Variants in C2orf49 observed in about 807,000 individuals in gnomAD.
C2orf49 encodes the protein tRNA splicing ligase complex subunit 2.
A neutral mutation model predicts 20.6 loss-of-function variants in C2orf49; 11 were observed. That is an observed-to-expected ratio of 0.53 (90% confidence interval 0.34 to 0.88). The LOEUF (loss-of-function observed/expected upper bound fraction) is 0.88, where lower values mean the gene tolerates loss of function less well. Ranked by LOEUF, C2orf49 falls within the 40% of genes least tolerant of loss-of-function variation. The pLI is 0.02. For synonymous variants in C2orf49, 134 were observed against 108.5 expected, an observed-to-expected ratio of 1.24 and a Z score of -1.46; for missense variants, 289 against 274.2, an observed-to-expected ratio of 1.05 and a Z score of -0.38.
At chr2:105,380,530 A>C in the C2orf49 span, among the ~76,000 whole-genome samples, 1 of 152,200 alleles carries the variant, frequency 6.6e-6, no homozygotes, top group Non-Finnish European at 1.5e-5. Context: ...CGCCCGGCTC[A>C]AGTGACTCTT....
chr2:105,372,350 C>T, the C2orf49 span, among the ~76,000 whole-genome samples: 6 of 151,908 alleles, frequency 3.9e-5, no homozygotes, highest in Admixed American at 6.6e-5. Context: ...CTCAGCCTCC[C>T]GAGTAGCTGG....
the C2orf49 span, chr2:105,375,865 T>TAGCTTAAAGTATTTTC: frequency 1.3e-5 from 2 of 152,204 alleles, no homozygotes; most frequent in East Asian, 3.9e-4. Context: ...TTTGTATTTT[T>TAGCTTAAAGTATTTTC]AGCTTAAAGT....
At chr2:105,355,751 T>C in the C2orf49 span, among the ~76,000 whole-genome samples, 2 of 150,710 alleles carry the variant, frequency 1.3e-5, no homozygotes, top group East Asian at 3.9e-4. Flanking sequence ...CTAAGTTATA[T>C]AGCTCAGGAG....
At chr2:105,361,149 G>A in the C2orf49 span, 1 of 879,910 alleles carries the variant, frequency 1.1e-6, no homozygotes, top group East Asian at 2.5e-5. Context: ...AAGCAAACGT[G>A]AGTATCACTG....
chr2:105,378,495 T>C, the C2orf49 span: 1 of 218,528 alleles, frequency 4.6e-6, no homozygotes, highest in East Asian at 1.3e-4. Flanking sequence ...TGGTGTAGAG[T>C]GGACACCTGA....
At chr2:105,383,627 G>A in the C2orf49 span, among the ~76,000 whole-genome samples, 1 of 152,156 alleles carries the variant, frequency 6.6e-6, no homozygotes, top group Non-Finnish European at 1.5e-5. Flanking sequence ...GGCCTGTGGT[G>A]GCTGTGCTAT....
rs1416349452 is a variant in C2orf49 at position 105,349,007 on chromosome 2, A to T, written c.*3636A>T. Reference sequence around the variant, plus strand: ...CGGTGCTACAGAGCCTGACATGTTGACTGTCACTACATGTTGAGGGATGGA... The same window carrying T: ...CGGTGCTACAGAGCCTGACATGTTGTCTGTCACTACATGTTGAGGGATGGA... On this transcript the variant is annotated 3_prime_UTR_variant, in exon 4 of 4. Transcript: ENST00000258457. 6.6e-6 allele frequency: 1 copy of T among 152,022 alleles called. No individual in the cohort carries two copies. Among genetic ancestry groups the T allele is most frequent in the African/African-American group, 2.4e-5 (1 of 41,356 alleles). The allele number at this position is 152,022 out of a possible 1,614,324, so 9.4% of individuals were successfully genotyped here. A position where few individuals can be genotyped will look rare whatever the true frequency, so the allele number is the denominator to read the frequency against.
At chr2:105,374,076 C>T in the C2orf49 span, 3 of 325,494 alleles carry the variant, frequency 9.2e-6, no homozygotes, top group African/African-American at 6.4e-5. Flanking sequence ...TCGTCTCACA[C>T]CACATCCGGT....
rs1004064514 is a variant in C2orf49 at position 105,347,190 on chromosome 2, A to G, written c.*1819A>G. ...ATAAAACATACTAAGTATTGCATAA[A>G]TTGTTAACGTTACAGTAAATTGTTA... On this transcript the variant is annotated 3_prime_UTR_variant, in exon 4 of 4. Transcript: ENST00000258457. 1 of 152,166 alleles carries G rather than the reference A, an allele frequency of 6.6e-6. No homozygotes were observed. Among genetic ancestry groups the G allele is most frequent in the African/African-American group, 2.4e-5 (1 of 41,472 alleles). 9.4% of individuals were successfully genotyped at this position (152,166 alleles called of 1,614,324 possible).
In C2orf49 at chr2:105,337,836, C is replaced by T. The variant is rs2104441835; in HGVS notation, c.99+150C>T. On this transcript the variant is annotated intron_variant, in intron 1 of 3. Transcript: ENST00000258457. Reference sequence around the variant, plus strand: ...CCCACACAGACCAGGCAGCTGTCTCCTCGCTCCTGCTCCTCGCCCCCTCTC... The same window carrying T: ...CCCACACAGACCAGGCAGCTGTCTCTTCGCTCCTGCTCCTCGCCCCCTCTC... 4.6e-6 allele frequency: 3 copies of T among 656,022 alleles called. No individual in the cohort carries two copies. In the East Asian group the frequency reaches 8.2e-5, roughly 18 times the overall value. The allele number at this position is 656,022 out of a possible 1,614,324, so 40.6% of individuals were successfully genotyped here.
the C2orf49 span, chr2:105,361,398 C>G: frequency 5.6e-6 from 9 of 1,614,056 alleles, no homozygotes; most frequent in Non-Finnish European, 7.6e-6. Flanking sequence ...ATGCCACTGC[C>G]GTTCCTCAAA....
At chr2:105,350,802 C>T (rs769819146), downstream of C2orf49, among the ~76,000 whole-genome samples, 1 of 152,156 alleles carries the variant, frequency 6.6e-6, no homozygotes, top group African/African-American at 2.4e-5. Flanking sequence ...CACAGTAGTA[C>T]AGATTTTTAA....
At chr2:105,355,809 T>TGTGC in the C2orf49 span, among the ~76,000 whole-genome samples, 1 of 145,196 alleles carries the variant, frequency 6.9e-6, no homozygotes, top group Non-Finnish European at 1.5e-5. Context: ...TGTGTGTGTG[T>TGTGC]GTGTGTGTAT....
In C2orf49 at chr2:105,347,835, T is replaced by C. The variant is rs1463347300; in HGVS notation, c.*2464T>C. On this transcript the variant is annotated 3_prime_UTR_variant, in exon 4 of 4. Transcript: ENST00000258457. ...TGGCAAACAACTTTAGAATACTAGT[T>C]ACTCACTAACATGAGGCGGGTAATG... 2 of 152,230 alleles carry C rather than the reference T, an allele frequency of 1.3e-5. No individual in the cohort carries two copies. The highest frequency in any genetic ancestry group is 2.9e-5 in the Non-Finnish European group (2 of 68,036). 9.4% of individuals were successfully genotyped at this position (152,230 alleles called of 1,614,324 possible).
At chr2:105,354,645 G>A in the C2orf49 span, among the ~76,000 whole-genome samples, 141 of 148,292 alleles carry the variant, frequency 9.5e-4, no homozygotes, top group African/African-American at 3.4e-3. Context: ...CAGCCTGGGC[G>A]ACAACAGCAA....
the C2orf49 span, among the ~76,000 whole-genome samples, chr2:105,379,217 C>T: frequency 2.6e-5 from 4 of 152,198 alleles, no homozygotes; most frequent in Admixed American, 6.5e-5. Flanking sequence ...ATAATGGACC[C>T]ACTACTGGCT....
chr2:105,337,742 G>A (rs1679541055), intron 1 of C2orf49, 56 bp downstream of exon 1: 37 of 1,449,466 alleles, frequency 2.6e-5, no homozygotes, highest in Non-Finnish European at 3.4e-5. Context: ...TGAGGCGCTT[G>A]CACCCGAGCT....
the C2orf49 span, chr2:105,374,029 C>A: frequency 9.7e-6 from 4 of 410,528 alleles, no homozygotes; most frequent in Non-Finnish European, 1.8e-5. Flanking sequence ...GTATTGCCTG[C>A]AAGAAAGAGA....
chr2:105,362,283 A>G, the C2orf49 span, among the ~76,000 whole-genome samples: 1 of 152,208 alleles, frequency 6.6e-6, no homozygotes, highest in Non-Finnish European at 1.5e-5. Context: ...GGTAAAGTGT[A>G]AATACTGTGC....
Sources: gnomAD v4.1 joint callset for allele counts (sites outside exome capture counted in the v4.1 genomes callset) on GRCh38, gnomAD v4.1.1 for gene constraint, MANE v1.5 for transcripts, NCBI Gene and HGNC (gene_info 2026-07-23, HGNC 2026-07-21) for gene names.